BCL9: variants seen among roughly 807,000 people sequenced by gnomAD.
BCL9 encodes B-cell CLL/lymphoma 9 protein.
BCL9 carries 25 observed loss-of-function variants against 88.5 expected under a neutral mutation model. The observed-to-expected ratio is 0.28, with a 90% CI of 0.21 to 0.39. BCL9 has a LOEUF of 0.39. Among genes scored for constraint, BCL9 ranks in the 10% least tolerant of loss-of-function variants. The probability of loss-of-function intolerance (pLI) is 1.00; values close to 1 mark genes in which losing one functional copy is unlikely to be tolerated. For missense variants in BCL9, 1,817 were observed against 1,877.8 expected (o/e 0.97, Z 0.60); for synonymous variants, 711 against 673.3 (o/e 1.06, Z -0.87).
chr1:147,555,531 G>T (rs75456016), intron 1 of BCL9, among the ~76,000 whole-genome samples: 1,903 of 152,338 alleles, frequency 0.012, 23 homozygotes, highest in East Asian at 0.056. Flanking sequence ...GTTAGTTAAG[G>T]CAGGAATCAT....
chr1:147,577,250 G>A (rs1553198189), intron 1 of BCL9, among the ~76,000 whole-genome samples: 2 of 152,140 alleles, frequency 1.3e-5, no homozygotes, highest in Non-Finnish European at 1.5e-5. Context: ...AATTTATTGA[G>A]CCCTGCACAT....
chr1:147,589,438 C>T (rs1171242788), intron 1 of BCL9, among the ~76,000 whole-genome samples: 1 of 152,108 alleles, frequency 6.6e-6, no homozygotes, highest in African/African-American at 2.4e-5. Flanking sequence ...CACTAAAATC[C>T]ACTTTTAAAA....
chr1:147,549,177 G>A (rs1989733), intron 1 of BCL9, among the ~76,000 whole-genome samples: 14,452 of 151,590 alleles, frequency 0.095, 1,665 homozygotes, highest in African/African-American at 0.28. Flanking sequence ...GAGTTTTGCC[G>A]TGTTGGCCAG....
intron 7 of BCL9, 92 bp downstream of exon 7, chr1:147,615,994 T>A: frequency 1.6e-6 from 2 of 1,246,512 alleles, no homozygotes; most frequent in Non-Finnish European, 2.3e-6. Context: ...AGGAAGGTAG[T>A]CTTGATGGCA....
chr1:147,542,349 G>A (rs1234995629), intron 1 of BCL9, among the ~76,000 whole-genome samples: 1 of 152,248 alleles, frequency 6.6e-6, no homozygotes, highest in South Asian at 2.1e-4. Flanking sequence ...TCTGGTCGTA[G>A]AGACTGTTGA....
chr1:147,580,272 T>C (rs76173796), intron 1 of BCL9, among the ~76,000 whole-genome samples: 6,311 of 152,234 alleles, frequency 0.041, 207 homozygotes, highest in Non-Finnish European at 0.061. Context: ...TATTTTCCCA[T>C]GTGGCAGGGA....
At chr1:147,597,544 AT>A (rs1444494389) in intron 1 of BCL9, among the ~76,000 whole-genome samples, 2 of 152,242 alleles carry the variant, frequency 1.3e-5, no homozygotes, top group Non-Finnish European at 2.9e-5. Flanking sequence ...TTAAAAAAGC[AT>A]TTCATTATCC....
At position 147,605,741 on chromosome 1, in the gene BCL9, G is replaced by A. The variant is rs1570895030; in HGVS notation, c.-343+830G>A. The stretch of plus-strand genomic sequence containing the variant: ...CTGAGAGGAAGCCTTTTAGTAGTCG[G>A]TATGCCAGAAGTTAAGAATGAGCTA... On this transcript the variant is annotated intron_variant, in intron 2 of 9. Transcript: ENST00000234739. 3.3e-5 allele frequency among the ~76,000 whole-genome samples: 5 copies of A among 152,160 alleles called. No homozygotes were observed. In the South Asian group the frequency reaches 1.0e-3, roughly 31 times the overall value.
chr1:147,598,881 C>A (rs1196290665), intron 1 of BCL9, among the ~76,000 whole-genome samples: 1 of 152,230 alleles, frequency 6.6e-6, no homozygotes, highest in East Asian at 1.9e-4. Flanking sequence ...CGGGGCCACA[C>A]AGATGGAGCA....
intron 1 of BCL9, among the ~76,000 whole-genome samples, chr1:147,591,139 A>G (rs112585470): frequency 0.011 from 1,739 of 152,248 alleles, 32 homozygotes; most frequent in African/African-American, 0.04. Flanking sequence ...TCATCTGTAA[A>G]ATGGGTATAA....
At position 147,614,514 on chromosome 1, in the gene BCL9, C is replaced by A. The variant is rs999234360; in HGVS notation, c.458C>A (p.Ser153Tyr). ...MTPSNATAPR[S>Y]STPSHGQTTA... ...CCATCAAATGCTACAGCCCCCAGGT[C>A]TTCTACCCCCTCCCATGGCCAAACT... The change falls in exon 6 of 10, where the codon TCT (serine) becomes TAT (tyrosine). Residue 153 changes from serine (S) to tyrosine (Y), a missense_variant. Coordinates refer to ENST00000234739, the MANE Select transcript of BCL9 (RefSeq NM_004326.4). The A allele has an allele frequency of 6.2e-7, 1 of 1,613,616 alleles. No homozygotes were observed. Among genetic ancestry groups the A allele is most frequent in the Non-Finnish European group, 8.5e-7 (1 of 1,179,738 alleles).
At position 147,624,447 on chromosome 1, in the gene BCL9, G is replaced by A. The variant is rs375821703; in HGVS notation, c.3769G>A (p.Val1257Ile). The change falls in exon 10 of 10, where the codon GTT (valine) becomes ATT (isoleucine). Residue 1257 changes from valine to isoleucine, a missense_variant. Transcript: ENST00000234739. The surrounding 1 kb of genome is among the most constrained non-coding windows in gnomAD (Gnocchi z 4.4). ...GCTGCAATATTTCCCTCGAGGGGAA[G>A]TTCCAGGCCGTAAACAGCCCCAGGG... ...QTLQYFPRGE[V>I]PGRKQPQGPG... 7.4e-6 allele frequency: 12 copies of A among 1,614,104 alleles called. No individual in the cohort carries two copies. The African/African-American group carries it at 1.2e-4, about 16-fold the overall frequency.
At chr1:147,579,944 A>G (rs1553198428) in intron 1 of BCL9, among the ~76,000 whole-genome samples, 2 of 152,036 alleles carry the variant, frequency 1.3e-5, no homozygotes, top group Non-Finnish European at 2.9e-5. Flanking sequence ...CCTTTCATTC[A>G]TTCTTCCTCT....
intron 1 of BCL9, among the ~76,000 whole-genome samples, chr1:147,591,302 T>C (rs1656835100): frequency 2.0e-5 from 3 of 152,202 alleles, no homozygotes; most frequent in East Asian, 1.9e-4. Flanking sequence ...CCCACCTTAT[T>C]TATCTATCTG....
At chr1:147,567,442 A>G (rs1237453472) in intron 1 of BCL9, among the ~76,000 whole-genome samples, 1 of 152,172 alleles carries the variant, frequency 6.6e-6, no homozygotes, top group East Asian at 1.9e-4. Flanking sequence ...AAAATATTCT[A>G]TTTGAGTCGA....
At chr1:147,599,498 C>CCTG (rs1657231964) in intron 1 of BCL9, among the ~76,000 whole-genome samples, 1 of 151,674 alleles carries the variant, frequency 6.6e-6, no homozygotes, top group Non-Finnish European at 1.5e-5. Context: ...CCCCCCGCCC[C>CCTG]CCTCGGTTGC....
chr1:147,559,600 A>G (rs1553195829), intron 1 of BCL9, among the ~76,000 whole-genome samples: 1 of 152,196 alleles, frequency 6.6e-6, no homozygotes, highest in East Asian at 1.9e-4. Context: ...GGTTGTACCC[A>G]TTGTGGATTA....
chr1:147,576,500 A>C (rs893184439), intron 1 of BCL9, among the ~76,000 whole-genome samples: 4 of 152,238 alleles, frequency 2.6e-5, no homozygotes, highest in Admixed American at 2.6e-4. Flanking sequence ...TAGAAACCAA[A>C]GGCACAAAGC....
At position 147,613,055 on chromosome 1, in the gene BCL9, C is replaced by T. The variant is rs782599597; in HGVS notation, c.226C>T (p.Leu76Phe). The T allele has an allele frequency of 6.2e-7, 1 of 1,612,670 alleles. No homozygotes were observed. The highest frequency in any genetic ancestry group is 1.1e-5 in the South Asian group (1 of 90,948). ...SKSGGHTPKALPGPGGSMGLK... is the reference protein window; with the variant it reads ...SKSGGHTPKAFPGPGGSMGLK... ...GAGTGGGGGCCATACCCCTAAAGCA[C>T]TCCCTGGCCCAGGTGGGAGCATGGG... The change falls in exon 5 of 10, where the codon CTC becomes TTC. Residue 76 changes from leucine to phenylalanine, a missense_variant. Around this residue, in one of 2 missense-constraint regions of BCL9, gnomAD observed 1,228 missense variants for 1,191.6 expected, o/e 1.03. Coordinates refer to ENST00000234739, the MANE Select transcript of BCL9 (RefSeq NM_004326.4).
Sources: allele counts gnomAD v4.1 joint callset (sites outside exome capture counted in the v4.1 genomes callset), GRCh38; gene constraint gnomAD v4.1.1; regional missense constraint gnomAD v4.1.1; non-coding constraint Gnocchi (gnomAD v3.1); transcripts MANE v1.5; gene names NCBI Gene and HGNC (gene_info 2026-07-23, HGNC 2026-07-21).